ITFG1: variants seen among roughly 807,000 people sequenced by gnomAD.
ITFG1 encodes T-cell immunomodulatory protein.
A neutral mutation model predicts 81.8 loss-of-function variants in ITFG1; 34 were observed. The ratio of observed to expected loss-of-function variants is 0.42; its 90% CI spans 0.32 to 0.55. The LOEUF (loss-of-function observed/expected upper bound fraction) is 0.55. Among genes scored for constraint, ITFG1 ranks in the 20% least tolerant of loss-of-function variants. ITFG1 has a pLI of 0.17. For synonymous variants in ITFG1, 285 were observed against 270.6 expected, an observed-to-expected ratio of 1.05 and a Z score of -0.52; for missense variants, 672 against 755.4, an observed-to-expected ratio of 0.89 and a Z score of 1.29.
chr16:47,260,292 T>G (rs1168795713), intron 11 of ITFG1, among the ~76,000 whole-genome samples: 1 of 152,184 alleles, frequency 6.6e-6, no homozygotes, highest in Non-Finnish European at 1.5e-5. Context: ...TCTTAGAGCA[T>G]GATGCTTTAG....
At chr16:47,424,933 T>C (rs1969000367) in intron 6 of ITFG1, among the ~76,000 whole-genome samples, 1 of 152,156 alleles carries the variant, frequency 6.6e-6, no homozygotes, top group Non-Finnish European at 1.5e-5. Flanking sequence ...TTCTCGGAGT[T>C]GGAACGCCAC....
Position 47,460,909 on chromosome 16 carries a change from G to T in ITFG1, c.137C>A (p.Ala46Asp), listed in dbSNP as rs1292275230. 6.2e-7 allele frequency: 1 copy of T among 1,613,274 alleles called. No individual in the cohort carries two copies. Among genetic ancestry groups the T allele is most frequent in the Non-Finnish European group, 8.5e-7 (1 of 1,179,968 alleles). Reference sequence around the variant, plus strand: ...CCCGAAAGCCGCAAGGGTGCCCCAGGCCTCGGCCCCAAAGAGCTCGGCCGT... The same window carrying T: ...CCCGAAAGCCGCAAGGGTGCCCCAGTCCTCGGCCCCAAAGAGCTCGGCCGT... ...NVTAELFGAE[A>D]WGTLAAFGDL... The change falls in exon 1 of 18, where the codon GCC becomes GAC. Residue 46 changes from alanine to aspartate, a missense_variant. Around this residue, in one of 3 missense-constraint regions of ITFG1, gnomAD observed 560 missense variants for 625.7 expected, o/e 0.90. Coordinates refer to ENST00000320640, the MANE Select transcript of ITFG1 (RefSeq NM_030790.5).
intron 8 of ITFG1, among the ~76,000 whole-genome samples, chr16:47,346,149 A>T (rs1284638130): frequency 1.3e-5 from 2 of 152,222 alleles, no homozygotes; most frequent in East Asian, 3.8e-4. Flanking sequence ...GTCTTACAGA[A>T]TGAGTTTGGA....
intron 6 of ITFG1, among the ~76,000 whole-genome samples, chr16:47,408,679 G>T (rs1470636454): frequency 6.6e-6 from 1 of 152,018 alleles, no homozygotes; most frequent in Admixed American, 6.5e-5. Context: ...TCTAATTTAT[G>T]TGACTTGTCA....
At chr16:47,321,603 T>A (rs1967449335) in intron 8 of ITFG1, among the ~76,000 whole-genome samples, 1 of 152,166 alleles carries the variant, frequency 6.6e-6, no homozygotes, top group Admixed American at 6.5e-5. Context: ...GCAGGAGGAC[T>A]ACTTGACCCC....
At chr16:47,426,640 T>C (rs1969024814) in intron 6 of ITFG1, among the ~76,000 whole-genome samples, 1 of 151,752 alleles carries the variant, frequency 6.6e-6, no homozygotes, top group East Asian at 1.9e-4. Flanking sequence ...CATAAAAAAT[T>C]TACTAGATAA....
intron 10 of ITFG1, among the ~76,000 whole-genome samples, chr16:47,275,908 G>A (rs1259589745): frequency 6.6e-6 from 1 of 151,986 alleles, no homozygotes; most frequent in Non-Finnish European, 1.5e-5. Flanking sequence ...AAAAAGTACT[G>A]TACTATATTT....
chr16:47,299,433 TAGG>T (rs143016733), intron 10 of ITFG1: 39,835 of 152,208 alleles, frequency 0.26, 6,636 homozygotes, highest in East Asian at 0.6. Flanking sequence ...AGGTGGGAAA[TAGG>T]GGGGAAAGCT....
chr16:47,389,243 A>G (rs2151595144), intron 6 of ITFG1, among the ~76,000 whole-genome samples: 1 of 152,352 alleles, frequency 6.6e-6, no homozygotes, highest in Admixed American at 6.5e-5. Flanking sequence ...CCATAGGAAA[A>G]AATGGTGCAA....
intron 8 of ITFG1, among the ~76,000 whole-genome samples, chr16:47,323,101 T>A (rs1021533129): frequency 2.6e-5 from 4 of 152,078 alleles, no homozygotes; most frequent in African/African-American, 9.7e-5. Context: ...CTATTATGAT[T>A]TGAATATTTG....
At chr16:47,451,594 A>G (rs1240362699) in intron 4 of ITFG1, 124 bp from the exon 5 acceptor site, 2 of 598,708 alleles carry the variant, frequency 3.3e-6, no homozygotes, top group Admixed American at 3.1e-5. Context: ...GTATCTAGTG[A>G]TAAGTATTAA....
chr16:47,283,692 T>C (rs1966859070), intron 10 of ITFG1, among the ~76,000 whole-genome samples: 1 of 152,234 alleles, frequency 6.6e-6, no homozygotes, highest in Non-Finnish European at 1.5e-5. Flanking sequence ...TTTAGCCCAG[T>C]GAAACTTATT....
At chr16:47,300,296 C>G (rs1467851791) in intron 10 of ITFG1, among the ~76,000 whole-genome samples, 1 of 152,184 alleles carries the variant, frequency 6.6e-6, no homozygotes, top group East Asian at 1.9e-4. Flanking sequence ...TCTATTCTAA[C>G]TGTAATTGTC....
At chr16:47,370,012 T>G (rs532748735) in intron 7 of ITFG1, among the ~76,000 whole-genome samples, 1 of 152,124 alleles carries the variant, frequency 6.6e-6, no homozygotes, top group Admixed American at 6.5e-5. Flanking sequence ...CTAACTTTTT[T>G]TGTGTTTTTA....
chr16:47,184,555 A>G (rs1965183343), intron 14 of ITFG1, among the ~76,000 whole-genome samples: 1 of 152,126 alleles, frequency 6.6e-6, no homozygotes, highest in Admixed American at 6.6e-5. Flanking sequence ...GAGAAATAAA[A>G]TACTTTCCAG....
chr16:47,380,938 C>G (rs1968388536), intron 6 of ITFG1, among the ~76,000 whole-genome samples: 1 of 152,168 alleles, frequency 6.6e-6, no homozygotes, highest in South Asian at 2.1e-4. Context: ...ATTCATTTAA[C>G]AAGTAAAATA....
At chr16:47,403,262 C>G (rs898785307) in intron 6 of ITFG1, among the ~76,000 whole-genome samples, 1 of 146,710 alleles carries the variant, frequency 6.8e-6, no homozygotes, top group Non-Finnish European at 1.5e-5. Flanking sequence ...AGTAAGGACT[C>G]AAAAGTTAAA....
intron 5 of ITFG1, among the ~76,000 whole-genome samples, chr16:47,433,770 A>AATATATATATAC (rs1969122747): frequency 8.0e-6 from 1 of 124,510 alleles, no homozygotes; most frequent in Non-Finnish European, 1.7e-5. Context: ...ATAAAAACTG[A>AATATATATATAC]ATATATATAT....
At chr16:47,393,479 C>T (rs915814124) in intron 6 of ITFG1, among the ~76,000 whole-genome samples, 1 of 152,084 alleles carries the variant, frequency 6.6e-6, no homozygotes, top group Non-Finnish European at 1.5e-5. Context: ...GCCTGTAATC[C>T]CAGCACTTTG....
Sources: gnomAD v4.1 joint callset for allele counts (sites outside exome capture counted in the v4.1 genomes callset) on GRCh38, gnomAD v4.1.1 for gene constraint, gnomAD v4.1.1 regional missense constraint, MANE v1.5 for transcripts, NCBI Gene and HGNC (gene_info 2026-07-23, HGNC 2026-07-21) for gene names.